Variants in AP3B1 observed in about 807,000 individuals in gnomAD.
AP3B1 encodes the protein AP-3 complex subunit beta-1.
Under a neutral mutation model 132.5 loss-of-function variants are expected in AP3B1, and 61 were observed. That is an observed-to-expected ratio of 0.46 (90% CI 0.37 to 0.57). The LOEUF (loss-of-function observed/expected upper bound fraction) is 0.57, where lower values mean the gene tolerates loss of function less well. Ranked by LOEUF, AP3B1 falls within the 20% of genes least tolerant of loss-of-function variation. The pLI, the probability that AP3B1 is intolerant of heterozygous loss-of-function variation, is 0.00. For synonymous variants in AP3B1, 388 were observed against 438.3 expected (o/e 0.89, Z 1.43); for missense variants, 1,120 against 1,289.4 (o/e 0.87, Z 2.01).
At chr5:78,213,650 A>G (rs1745843726) in intron 7 of AP3B1, among the ~76,000 whole-genome samples, 1 of 152,222 alleles carries the variant, frequency 6.6e-6, no homozygotes, top group African/African-American at 2.4e-5. Flanking sequence ...AACTTAAATT[A>G]ATAAATAAAG....
rs77249088 is a variant in AP3B1, at chr5:78,167,632, TACACAC to T, written c.1168-1966_1168-1961del. 4.1e-5 allele frequency among the ~76,000 whole-genome samples: 6 copies of T among 146,180 alleles called. 1 individual carries two copies. The highest frequency in any genetic ancestry group is 4.0e-4 in the East Asian group (2 of 5,042). ...GTGGATAAAGAACATGTTATATATA[TACACAC>T]ACACACACACACACACACACATACA... On this transcript the variant is annotated intron_variant, in intron 11 of 26. Transcript: ENST00000255194.
chr5:78,182,051 CAA>C (rs980179957), intron 7 of AP3B1, among the ~76,000 whole-genome samples: 2 of 151,574 alleles, frequency 1.3e-5, no homozygotes, highest in African/African-American at 4.8e-5. Flanking sequence ...ATCAAAGAGT[CAA>C]AAAAAGAGGA....
At chr5:78,233,053 C>T (rs1249769614) in intron 3 of AP3B1, among the ~76,000 whole-genome samples, 1 of 152,014 alleles carries the variant, frequency 6.6e-6, no homozygotes, top group Non-Finnish European at 1.5e-5. Context: ...TTATAAAATT[C>T]AGGAAACATA....
intron 7 of AP3B1, among the ~76,000 whole-genome samples, chr5:78,212,631 T>C (rs1450946208): frequency 1.3e-5 from 2 of 152,220 alleles, no homozygotes; most frequent in South Asian, 2.1e-4. Flanking sequence ...GATGATTCCA[T>C]GAAACAACAC....
intron 1 of AP3B1, among the ~76,000 whole-genome samples, chr5:78,290,686 C>T (rs934928791): frequency 2.0e-5 from 3 of 152,102 alleles, no homozygotes; most frequent in Non-Finnish European, 2.9e-5. Flanking sequence ...CAGTGGTACA[C>T]GCCTCCAATT....
chr5:78,227,627 A>G, intron 4 of AP3B1, 95 bp from the exon 5 acceptor site: 1 of 1,174,180 alleles, frequency 8.5e-7, no homozygotes, highest in Non-Finnish European at 1.2e-6. Context: ...AAAGGGTGTA[A>G]TATGACAATA....
rs1276827754 is a variant in AP3B1, at chr5:78,087,471, G to GC, written c.2577+1921dup. 3.2e-6 allele frequency: 3 copies of GC among 923,376 alleles called. No individual in the cohort carries two copies. In the African/African-American group the frequency reaches 5.4e-5, roughly 17 times the overall value. The allele number at this position is 923,376 out of a possible 1,614,324, so 57.2% of individuals were successfully genotyped here. A position where few individuals can be genotyped will look rare whatever the true frequency, so the allele number is the denominator to read the frequency against. ...ACACGTTCCATTTTTCAGAGTTCTA[G>GC]CATTTTCTTTGTTTAAAGTTCTATT... On this transcript the variant is annotated intron_variant, in intron 22 of 26. Coordinates refer to ENST00000255194, the MANE Select transcript of AP3B1 (RefSeq NM_003664.5).
At chr5:78,113,356 T>C (rs1751675729) in intron 19 of AP3B1, among the ~76,000 whole-genome samples, 2 of 152,258 alleles carry the variant, frequency 1.3e-5, no homozygotes, top group Admixed American at 1.3e-4. Flanking sequence ...ATTTGGATCA[T>C]AATCTTTTTA....
At chr5:78,089,696 T>C (rs781501551) in intron 21 of AP3B1, among the ~76,000 whole-genome samples, 197 bp from the exon 22 acceptor site, 1 of 152,324 alleles carries the variant, frequency 6.6e-6, no homozygotes, top group Non-Finnish European at 1.5e-5. Flanking sequence ...CAAAACATAA[T>C]GGCAAATCCT....
intron 2 of AP3B1, among the ~76,000 whole-genome samples, chr5:78,257,082 C>A (rs1226385609): frequency 6.6e-6 from 1 of 152,076 alleles, no homozygotes; most frequent in Non-Finnish European, 1.5e-5. Context: ...TGGGAAAAAA[C>A]TGAAAGTCTT....
chr5:78,173,543 A>G (rs749131249), intron 11 of AP3B1, among the ~76,000 whole-genome samples: 4 of 151,810 alleles, frequency 2.6e-5, no homozygotes, highest in Non-Finnish European at 4.4e-5. Context: ...TTTGAAGTCT[A>G]TTTTATCAGA....
chr5:78,181,635 T>G lies in AP3B1; in HGVS notation c.814A>C (p.Asn272His). Reference protein sequence around the residue: ...EGDELEDNGKNFYESDDDQKE... With the variant: ...EGDELEDNGKHFYESDDDQKE... Reference sequence around the variant, plus strand: ...TGATCATCATCAGATTCGTAGAAATTCTTTCCATTGTCTTCTAATTCATCA... The same window carrying G: ...TGATCATCATCAGATTCGTAGAAATGCTTTCCATTGTCTTCTAATTCATCA... Residue 272 changes from asparagine to histidine, a missense_variant, in exon 8 of 27, where the codon AAT (asparagine) becomes CAT (histidine). Asn to His is a moderately conservative substitution (Grantham distance 68). Transcript: ENST00000255194. 1 of 1,612,348 alleles carries G rather than the reference T, an allele frequency of 6.2e-7. No homozygotes were observed. Among genetic ancestry groups the G allele is most frequent in the Admixed American group, 1.7e-5 (1 of 59,902 alleles).
At chr5:78,178,887 T>C (rs1466604090) in intron 8 of AP3B1, among the ~76,000 whole-genome samples, 1 of 148,892 alleles carries the variant, frequency 6.7e-6, no homozygotes, top group Admixed American at 6.7e-5. Flanking sequence ...TGTTTGAGGT[T>C]AAAAAAAAAA....
chr5:78,106,122 C>CA (rs1751322704), intron 20 of AP3B1, among the ~76,000 whole-genome samples: 1 of 152,104 alleles, frequency 6.6e-6, no homozygotes. Context: ...GGAAAGAATA[C>CA]AGAGTGTTAA....
At chr5:78,057,190 G>T (rs574646079) in intron 22 of AP3B1, among the ~76,000 whole-genome samples, 1 of 152,158 alleles carries the variant, frequency 6.6e-6, no homozygotes, top group African/African-American at 2.4e-5. Flanking sequence ...ATCGACTGAG[G>T]TTTGCTTCAG....
At chr5:78,139,036 A>G (rs1260143758) in intron 15 of AP3B1, among the ~76,000 whole-genome samples, 1 of 135,468 alleles carries the variant, frequency 7.4e-6, no homozygotes, top group South Asian at 2.2e-4. Flanking sequence ...AATAGAGATC[A>G]AGAAAAAAAA....
chr5:78,162,862 G>C lies in AP3B1; in HGVS notation c.1320C>G (p.Asp440Glu), dbSNP rs1328139762. Reference sequence around the variant, plus strand: ...GACAGACCAAGCCATTGAGGCACGTGTCAGTGACTTCCAAGATGTTGGTTG... The same window carrying C: ...GACAGACCAAGCCATTGAGGCACGTCTCAGTGACTTCCAAGATGTTGGTTG... ...RCATNILEVT[D>E]TCLNGLVCLL... Residue 440 changes from aspartate to glutamate, a missense_variant, in exon 13 of 27, where the codon GAC becomes GAG. Asp to Glu is a conservative substitution (Grantham distance 45). This residue lies in a region of AP3B1 where 906 missense variants were observed against 997.1 expected (regional missense o/e 0.91). Transcript: ENST00000255194. 6.2e-7 allele frequency: 1 copy of C among 1,614,014 alleles called. No individual in the cohort carries two copies. The highest frequency in any genetic ancestry group is 1.1e-5 in the South Asian group (1 of 91,082).
chr5:78,251,444 C>T (rs1221427665), intron 2 of AP3B1, among the ~76,000 whole-genome samples: 2 of 152,162 alleles, frequency 1.3e-5, no homozygotes, highest in Non-Finnish European at 2.9e-5. Context: ...AGTAACAGTC[C>T]TGAATCACCA....
chr5:78,167,540 C>T (rs1056027593), intron 11 of AP3B1, among the ~76,000 whole-genome samples: 3 of 152,014 alleles, frequency 2.0e-5, no homozygotes, highest in South Asian at 2.1e-4. Context: ...CTTGCACACA[C>T]GTTTATAGCA....
Sources: gnomAD v4.1 joint callset for allele counts (sites outside exome capture counted in the v4.1 genomes callset) on GRCh38, gnomAD v4.1.1 for gene constraint, gnomAD v4.1.1 regional missense constraint, MANE v1.5 for transcripts, NCBI Gene and HGNC (gene_info 2026-07-23, HGNC 2026-07-21) for gene names.